LCORL: variants seen among roughly 807,000 people sequenced by gnomAD.
The protein encoded by LCORL is ligand-dependent nuclear receptor corepressor-like protein.
LCORL carries 41 observed loss-of-function variants against 141.8 expected under a neutral mutation model. The ratio of observed to expected loss-of-function variants is 0.29; its 90% CI spans 0.23 to 0.38. The LOEUF (loss-of-function observed/expected upper bound fraction) is 0.38. Ranked by LOEUF, LCORL falls within the 10% of genes least tolerant of loss-of-function variation. LCORL has a pLI of 1.00. For missense variants in LCORL, 1,759 were observed against 2,035.0 expected, an observed-to-expected ratio of 0.86 and a Z score of 2.61; for synonymous variants, 618 against 694.1, an observed-to-expected ratio of 0.89 and a Z score of 1.72.
In LCORL at chr4:17,963,812, C is replaced by T. The variant is rs565169608; in HGVS notation, c.221-763G>A. ...TAAAACTTAACCCTTGCAGCAGAAA[C>T]TCTCCCCAATTTCTATTCCCAAATA... On this transcript the variant is annotated intron_variant, in intron 2 of 7. Coordinates refer to ENST00000635767, the Ensembl canonical transcript of LCORL. Among the ~76,000 whole-genome samples, 8 of 152,078 alleles carry T rather than the reference C, an allele frequency of 5.3e-5. No individual in the cohort carries two copies. In the South Asian group the frequency reaches 1.5e-3, roughly 28 times the overall value.
intron 4 of LCORL, among the ~76,000 whole-genome samples, chr4:17,943,401 T>C (rs1483558164): frequency 2.0e-5 from 3 of 152,302 alleles, no homozygotes; most frequent in South Asian, 4.1e-4. Flanking sequence ...CTTTTAAAAT[T>C]GGTAGTTCAC....
At chr4:17,952,651 G>A (rs1327099758) in intron 4 of LCORL, among the ~76,000 whole-genome samples, 1 of 152,090 alleles carries the variant, frequency 6.6e-6, no homozygotes, top group African/African-American at 2.4e-5. Flanking sequence ...TCCTGACCTC[G>A]TGATCCGCCC....
intron 6 of LCORL, among the ~76,000 whole-genome samples, chr4:17,880,026 T>C (rs1248018006): frequency 1.3e-5 from 2 of 151,112 alleles, no homozygotes; most frequent in Non-Finnish European, 1.5e-5. Context: ...CTGCTTTTTA[T>C]ATCCCTTTTC....
chr4:17,923,365 G>C (rs1302713706), intron 4 of LCORL, among the ~76,000 whole-genome samples: 1 of 152,190 alleles, frequency 6.6e-6, no homozygotes, highest in Non-Finnish European at 1.5e-5. Flanking sequence ...TGGGCTCAAG[G>C]CCAGGTACAG....
At chr4:18,010,603 C>A (rs530059073) in intron 1 of LCORL, among the ~76,000 whole-genome samples, 1 of 151,320 alleles carries the variant, frequency 6.6e-6, no homozygotes, top group African/African-American at 2.4e-5. Flanking sequence ...GCACCTGCCA[C>A]CACGCCTGGC....
rs117178153 is a variant in LCORL, at chr4:17,934,139, A to C, written c.431-24794T>G. On this transcript the variant is annotated intron_variant, in intron 4 of 7. Transcript: ENST00000635767. ...GTGATATATTATGCATGATACTGTA[A>C]TGAAGGATACATGACTGTGTATTTG... Among the ~76,000 whole-genome samples, 12 of 152,204 alleles carry C rather than the reference A, an allele frequency of 7.9e-5. No individual in the cohort carries two copies. The East Asian group carries it at 2.3e-3, about 29-fold the overall frequency.
At chr4:17,981,786 G>C (rs1274517252) in intron 1 of LCORL, among the ~76,000 whole-genome samples, 2 of 151,964 alleles carry the variant, frequency 1.3e-5, no homozygotes, top group African/African-American at 2.4e-5. Flanking sequence ...TACATGTGCA[G>C]GTTTGTTACA....
chr4:17,937,190 T>G (rs1259878299), intron 4 of LCORL, among the ~76,000 whole-genome samples: 2 of 152,160 alleles, frequency 1.3e-5, no homozygotes, highest in Admixed American at 6.5e-5. Context: ...TTTAGTCATT[T>G]CCAAGTTTTC....
At position 17,845,908 on chromosome 4, in the gene LCORL, G is replaced by A. The variant is rs780081987; in HGVS notation, c.5603-7C>T. On this transcript the variant is annotated splice_polypyrimidine_tract_variant and splice_region_variant and intron_variant, in intron 7 of 7. Transcript: ENST00000635767. ...AGTTTTCACTTGTAGCATGCTGGAA[G>A]AAAAAGTGTAAGGCATTTTAGTTTT... is the stretch of plus-strand genomic sequence containing the variant. 5 of 1,589,068 alleles carry A rather than the reference G, an allele frequency of 3.1e-6. No homozygotes were observed. Among genetic ancestry groups the A allele is most frequent in the Non-Finnish European group, 4.3e-6 (5 of 1,170,352 alleles).
intron 4 of LCORL, among the ~76,000 whole-genome samples, chr4:17,945,276 A>T (rs1738677732): frequency 6.6e-6 from 1 of 152,118 alleles, no homozygotes; most frequent in Non-Finnish European, 1.5e-5. Context: ...CATTTAAAAG[A>T]TGATAATCTT....
rs554503657 is a variant in LCORL, at chr4:17,911,585, T to C, written c.431-2240A>G. ...ATTTTGAAAAAGCTTATGAGGATAA[T>C]GGCCTAAAGAAATCAGCAGTTTAAA... On this transcript the variant is annotated intron_variant, in intron 4 of 7. Transcript: ENST00000635767. 3.2e-4 allele frequency: 111 copies of C among 345,354 alleles called. 3 individuals carry two copies. The highest frequency in any genetic ancestry group is 2.9e-3 in the South Asian group (102 of 35,756). The allele number at this position is 345,354 out of a possible 1,614,324, so 21.4% of individuals were successfully genotyped here. A position where few individuals can be genotyped will look rare whatever the true frequency, so the allele number is the denominator to read the frequency against.
chr4:17,843,426 G>C (rs1405263630), exon 8 of LCORL: 2 of 1,610,666 alleles, frequency 1.2e-6, no homozygotes, highest in South Asian at 1.1e-5. Context: ...TCTAAGTTAG[G>C]AAAGACGATG....
intron 6 of LCORL, chr4:17,880,575 A>T: frequency 2.1e-6 from 2 of 966,068 alleles, no homozygotes; most frequent in South Asian, 9.6e-5. Flanking sequence ...TCCTAAAGTA[A>T]ATCAAACAAG....
At chr4:17,973,688 C>A (rs1023773387) in intron 1 of LCORL, among the ~76,000 whole-genome samples, 1 of 151,460 alleles carries the variant, frequency 6.6e-6, no homozygotes, top group Admixed American at 6.6e-5. Context: ...GCATGACAGA[C>A]CCTATAAATC....
chr4:17,848,105 G>C (rs1723154585), intron 7 of LCORL, among the ~76,000 whole-genome samples: 1 of 152,028 alleles, frequency 6.6e-6, no homozygotes, highest in Non-Finnish European at 1.5e-5. Flanking sequence ...GAATGGTATA[G>C]TATAAATTTG....
chr4:18,021,626 A>G lies in LCORL; in HGVS notation c.126T>C (p.Ser42=). ...CACAGTGCATGAGGCGGTGGCGCCA[A>G]GAGTCGAGTTCCCGCCGGAATCCTC... The change falls in exon 1 of 8, where the codon TCT becomes TCC. Residue 42 remains serine (S), a synonymous_variant. Coordinates refer to ENST00000635767, the Ensembl canonical transcript of LCORL. The surrounding 1 kb of genome is among the most constrained non-coding windows in gnomAD (Gnocchi z 5.5). 6.5e-7 allele frequency: 1 copy of G among 1,545,790 alleles called. No homozygotes were observed. Among genetic ancestry groups the G allele is most frequent in the Non-Finnish European group, 8.7e-7 (1 of 1,145,054 alleles).
chr4:17,898,642 C>T (rs541536026), intron 5 of LCORL, among the ~76,000 whole-genome samples: 2 of 140,238 alleles, frequency 1.4e-5, no homozygotes, highest in South Asian at 4.7e-4. Flanking sequence ...ATCAAGAGAT[C>T]ATTCTCACCG....
intron 7 of LCORL, among the ~76,000 whole-genome samples, chr4:17,868,778 C>G (rs1355107072): frequency 6.6e-6 from 1 of 152,172 alleles, no homozygotes; most frequent in South Asian, 2.1e-4. Flanking sequence ...TCTCTTTGTC[C>G]TGTCATCCCC....
chr4:17,855,842 C>T (rs940286160), intron 7 of LCORL, among the ~76,000 whole-genome samples: 11 of 152,142 alleles, frequency 7.2e-5, no homozygotes, highest in African/African-American at 2.7e-4. Context: ...AAAAACTGCT[C>T]ATTTATTTAA....
Sources: gnomAD v4.1 joint callset for allele counts (sites outside exome capture counted in the v4.1 genomes callset) on GRCh38, gnomAD v4.1.1 for gene constraint, Gnocchi (gnomAD v3.1) non-coding constraint, MANE v1.5 for transcripts, NCBI Gene and HGNC (gene_info 2026-07-23, HGNC 2026-07-21) for gene names.